Variants in POTEE observed in about 807,000 individuals in gnomAD.
POTEE encodes the protein ANKRD26-like family C member 1A.
A neutral mutation model predicts 74.2 loss-of-function variants in POTEE; 21 were observed. The ratio of observed to expected loss-of-function variants is 0.28; its 90% CI spans 0.20 to 0.41. The LOEUF is 0.41. Among genes scored for constraint, POTEE ranks in the 10% least tolerant of loss-of-function variants. The probability of loss-of-function intolerance (pLI) is 1.00; values close to 1 mark genes in which losing one functional copy is unlikely to be tolerated. For missense variants in POTEE, 525 were observed against 1,158.6 expected (o/e 0.45, Z 7.94); for synonymous variants, 211 against 432.8 (o/e 0.49, Z 6.36).
rs1700315585 is a variant in POTEE at position 131,209,762 on chromosome 2, T to A, written c.-402T>A. On this transcript the variant is annotated 5_prime_UTR_variant, in exon 1 of 18. It adds an upstream start codon to the 5' untranslated region. Transcript: ENST00000683005. ...GCCCCTGGGGCTCGCCTTGCTGTGTTTGGTGGTGACGTGGGACACTGCAGC... is the reference window on the plus strand; with the variant it reads ...GCCCCTGGGGCTCGCCTTGCTGTGTATGGTGGTGACGTGGGACACTGCAGC... Among the ~76,000 whole-genome samples, 1 of 152,070 alleles carries A rather than the reference T, an allele frequency of 6.6e-6. No homozygotes were observed. Among genetic ancestry groups the A allele is most frequent in the Non-Finnish European group, 1.5e-5 (1 of 68,006 alleles).
intron 16 of POTEE, among the ~76,000 whole-genome samples, chr2:131,255,578 T>TTC: frequency 3.0e-5 from 1 of 33,244 alleles, no homozygotes; most frequent in South Asian, 7.5e-4. Context: ...TTTTTTTTTT[T>TTC]TTTTTTTTTA....
intron 2 of POTEE, among the ~76,000 whole-genome samples, chr2:131,215,278 ATATT>A (rs1700424400): frequency 6.6e-6 from 1 of 152,262 alleles, no homozygotes; most frequent in African/African-American, 2.4e-5. Context: ...TAATTATGAG[ATATT>A]TAGTAAATAG....
At chr2:131,220,022 TAATG>T (rs1461435921) in intron 4 of POTEE, among the ~76,000 whole-genome samples, 1 of 150,634 alleles carries the variant, frequency 6.6e-6, no homozygotes, top group African/African-American at 2.4e-5. Flanking sequence ...TAGCGCTTGA[TAATG>T]GTGGTGTTTT....
intron 9 of POTEE, among the ~76,000 whole-genome samples, chr2:131,236,201 C>G (rs769325822): frequency 6.6e-6 from 1 of 152,042 alleles, no homozygotes; most frequent in African/African-American, 2.4e-5. Flanking sequence ...AAAAACAGCT[C>G]GGAGTGAATG....
Position 131,215,639 on chromosome 2 carries a change from CAAAG to C in POTEE, c.-188-1945_-188-1942del, listed in dbSNP as rs1398539512. Among the ~76,000 whole-genome samples, 26 of 142,406 alleles carry C rather than the reference CAAAG, an allele frequency of 1.8e-4. No individual in the cohort carries two copies. In the South Asian group the frequency reaches 2.1e-3, roughly 12 times the overall value. The allele number at this position is 142,406 out of a possible 152,430, so 93.4% of individuals were successfully genotyped here. On this transcript the variant is annotated intron_variant, in intron 2 of 17. Transcript: ENST00000683005. ...AGAGACCACAGTTCAAAGTCATTGA[CAAAG>C]AAAGTTTAAAAATTGTTAGATTAAA...
intron 6 of POTEE, among the ~76,000 whole-genome samples, 199 bp from the exon 7 acceptor site, chr2:131,226,624 T>C (rs1323097142): frequency 4.6e-5 from 7 of 150,610 alleles, no homozygotes; most frequent in Admixed American, 4.6e-4. Context: ...TTAGAGTTAC[T>C]GTGGTGAGGC....
intron 9 of POTEE, among the ~76,000 whole-genome samples, chr2:131,232,758 T>C (rs1701003994): frequency 6.6e-6 from 1 of 151,706 alleles, no homozygotes; most frequent in South Asian, 2.1e-4. Flanking sequence ...CTTTCAGCTG[T>C]GCTGTTGACA....
At chr2:131,237,662 C>T (rs1398667256) in intron 10 of POTEE, among the ~76,000 whole-genome samples, 1 of 151,782 alleles carries the variant, frequency 6.6e-6, no homozygotes, top group African/African-American at 2.4e-5. Context: ...TGAGAATTTG[C>T]ATCTCTTTCT....
chr2:131,226,515 T>G (rs1304346298), intron 6 of POTEE, among the ~76,000 whole-genome samples: 17 of 140,974 alleles, frequency 1.2e-4, no homozygotes, highest in African/African-American at 1.4e-4. Context: ...TTTGTTTAGA[T>G]GGGAAAAATA....
chr2:131,221,563 C>T (rs1700618594), intron 4 of POTEE, among the ~76,000 whole-genome samples: 1 of 152,068 alleles, frequency 6.6e-6, no homozygotes, highest in African/African-American at 2.4e-5. Context: ...ATGCTTCTTG[C>T]ATAGATGCAA....
Position 131,218,578 on chromosome 2 carries a change from G to A in POTEE, c.176G>A (p.Ser59Asn), listed in dbSNP as rs761128554. 1.0e-5 allele frequency: 16 copies of A among 1,606,792 alleles called. No individual in the cohort carries two copies. Among genetic ancestry groups the A allele is most frequent in the Admixed American group, 1.7e-5 (1 of 59,320 alleles). Residue 59 changes from serine (S) to asparagine (N), a missense_variant, in exon 4 of 18, where the codon AGC becomes AAC. Ser to Asn is a conservative substitution (Grantham distance 46). Coordinates refer to ENST00000683005, the MANE Select transcript of POTEE (RefSeq NM_001083538.3). The part of the protein sequence containing the change: ...HDDSAMKTLR[S>N]KMGKWCHHCF... ...GACTCTGCTATGAAGACACTCAGGA[G>A]CAAGATGGGCAAGTGGTGCCACCAC... is the stretch of plus-strand genomic sequence containing the variant.
At position 131,260,914 on chromosome 2, in the gene POTEE, C is replaced by A. The variant is rs199916165; in HGVS notation, c.1779-812C>A. 4.5e-5 allele frequency among the ~76,000 whole-genome samples: 5 copies of A among 110,798 alleles called. No homozygotes were observed. In the East Asian group the frequency reaches 1.2e-3, roughly 27 times the overall value. 72.7% of individuals were successfully genotyped at this position (110,798 alleles called of 152,430 possible). A position where few individuals can be genotyped will look rare whatever the true frequency, so the allele number is the denominator to read the frequency against. ...AACGATGAGTTTATTTCACATCTCTCTCTCATACACAGATAAAATTATTTC... is the reference window on the plus strand; with the variant it reads ...AACGATGAGTTTATTTCACATCTCTATCTCATACACAGATAAAATTATTTC... On this transcript the variant is annotated intron_variant, in intron 16 of 17. Coordinates refer to ENST00000683005, the MANE Select transcript of POTEE (RefSeq NM_001083538.3).
chr2:131,218,305 A>G lies in POTEE; in HGVS notation c.-93-5A>G. 6.3e-7 allele frequency: 1 copy of G among 1,585,464 alleles called. No individual in the cohort carries two copies. Among genetic ancestry groups the G allele is most frequent in the Non-Finnish European group, 8.6e-7 (1 of 1,166,218 alleles). On this transcript the variant is annotated splice_region_variant and splice_polypyrimidine_tract_variant and intron_variant, in intron 3 of 17. Transcript: ENST00000683005. Reference sequence around the variant, plus strand: ...TGGCTGGGATTGACATTTCTCTTCAAACAGATTGGAAACCCGGAGTTACCT... The same window carrying G: ...TGGCTGGGATTGACATTTCTCTTCAGACAGATTGGAAACCCGGAGTTACCT...
At chr2:131,228,550 A>C (rs1700851889) in intron 8 of POTEE, among the ~76,000 whole-genome samples, 169 bp downstream of exon 8, 1 of 148,960 alleles carries the variant, frequency 6.7e-6, no homozygotes, top group Admixed American at 6.6e-5. Context: ...AAGCAAGACA[A>C]GTTAGAAGTA....
chr2:131,216,614 A>G (rs1288438745), intron 2 of POTEE, among the ~76,000 whole-genome samples: 6 of 151,718 alleles, frequency 4.0e-5, no homozygotes, highest in Non-Finnish European at 5.9e-5. Flanking sequence ...TGCCTTACAC[A>G]TAAAGGTATT....
intron 9 of POTEE, among the ~76,000 whole-genome samples, chr2:131,231,331 A>G (rs919179178): frequency 6.6e-6 from 1 of 151,302 alleles, no homozygotes; most frequent in African/African-American, 2.4e-5. Flanking sequence ...CGGTAATATG[A>G]GCCATAAGGA....
intron 9 of POTEE, among the ~76,000 whole-genome samples, chr2:131,233,639 T>C (rs991376414): frequency 1.4e-5 from 2 of 142,264 alleles, no homozygotes; most frequent in Admixed American, 7.2e-5. Context: ...TCATTTGTTT[T>C]GCTTAATTTT....
In POTEE at chr2:131,217,762, C is replaced by T. The variant is rs1353539066; in HGVS notation, c.-94+79C>T. On this transcript the variant is annotated intron_variant, in intron 3 of 17. Coordinates refer to ENST00000683005, the MANE Select transcript of POTEE (RefSeq NM_001083538.3). The stretch of plus-strand genomic sequence containing the variant: ...GATAAGCACGCCGCACGCCGCACGC[C>T]GCACGCGCACGCCGCACGCGCACGC... Among the ~76,000 whole-genome samples the T allele has an allele frequency of 5.3e-4, 5 of 9,416 alleles. No individual in the cohort carries two copies. In the East Asian group the frequency reaches 0.024, roughly 45 times the overall value. The allele number at this position is 9,416 out of a possible 152,430, so 6.2% of individuals were successfully genotyped here. A position where few individuals can be genotyped will look rare whatever the true frequency, so the allele number is the denominator to read the frequency against.
chr2:131,217,748 C>A (rs1023490644), intron 3 of POTEE, among the ~76,000 whole-genome samples, 65 bp downstream of exon 3: 1 of 140,260 alleles, frequency 7.1e-6, no homozygotes, highest in Non-Finnish European at 1.5e-5. Context: ...ATAAGCACGC[C>A]GCACGCCGCA....
Sources: gnomAD v4.1 joint callset for allele counts (sites outside exome capture counted in the v4.1 genomes callset) on GRCh38, gnomAD v4.1.1 for gene constraint, MANE v1.5 for transcripts, NCBI Gene and HGNC (gene_info 2026-07-23, HGNC 2026-07-21) for gene names.